RALGAPA2: variants seen among roughly 807,000 people sequenced by gnomAD.
RALGAPA2 encodes Ral GTPase activating protein catalytic subunit alpha 2, also known as ral GTPase-activating protein subunit alpha-2.
In RALGAPA2, 139 loss-of-function variants were observed where a neutral mutation model predicts 230.4. The ratio of observed to expected loss-of-function variants is 0.60; its 90% CI spans 0.53 to 0.69. The LOEUF (loss-of-function observed/expected upper bound fraction) is 0.69, where lower values mean the gene tolerates loss of function less well. RALGAPA2 is among the 30% of genes least tolerant of loss of function. The pLI, the probability that RALGAPA2 is intolerant of heterozygous loss-of-function variation, is 0.00. For synonymous variants in RALGAPA2, 847 were observed against 837.8 expected (o/e 1.01, Z -0.19); for missense variants, 2,163 against 2,276.0 (o/e 0.95, Z 1.01).
chr20:20,632,955 C>CT (rs530963909), intron 9 of RALGAPA2, among the ~76,000 whole-genome samples: 4,446 of 146,814 alleles, frequency 0.03, 85 homozygotes, highest in South Asian at 0.062. Context: ...AAATCTTTCA[C>CT]TTTTTTTTTT....
At chr20:20,565,775 T>C (rs1256995469) in intron 23 of RALGAPA2, among the ~76,000 whole-genome samples, 1 of 152,240 alleles carries the variant, frequency 6.6e-6, no homozygotes, top group Non-Finnish European at 1.5e-5. Flanking sequence ...ATTAAATTAA[T>C]GCTCAAGTGC....
At chr20:20,661,665 T>G (rs1271102778) in intron 3 of RALGAPA2, among the ~76,000 whole-genome samples, 1 of 152,162 alleles carries the variant, frequency 6.6e-6, no homozygotes, top group Non-Finnish European at 1.5e-5. Flanking sequence ...AATACACAGA[T>G]GTGTACTGGT....
intron 37 of RALGAPA2, among the ~76,000 whole-genome samples, chr20:20,425,385 T>G (rs1484695244): frequency 6.6e-6 from 1 of 152,228 alleles, no homozygotes; most frequent in Admixed American, 6.5e-5. Context: ...TCATGGTATT[T>G]ACAAAAGTTT....
intron 1 of RALGAPA2, among the ~76,000 whole-genome samples, chr20:20,697,667 A>G (rs1028967699): frequency 3.3e-5 from 5 of 152,198 alleles, no homozygotes; most frequent in African/African-American, 1.2e-4. Flanking sequence ...GAATGGGTAC[A>G]GGCCCTAGGG....
intron 37 of RALGAPA2, among the ~76,000 whole-genome samples, chr20:20,469,538 G>C (rs527300362): frequency 6.6e-6 from 1 of 152,194 alleles, no homozygotes; most frequent in Non-Finnish European, 1.5e-5. Context: ...TAGTTACAGC[G>C]AGTAGAGATG....
intron 37 of RALGAPA2, among the ~76,000 whole-genome samples, chr20:20,465,744 C>T (rs2061408298): frequency 6.6e-6 from 1 of 152,212 alleles, no homozygotes; most frequent in South Asian, 2.1e-4. Flanking sequence ...TTTCCATGCA[C>T]CAAGAGTGGA....
rs539477593 is a variant in RALGAPA2 at position 20,404,471 on chromosome 20, A to C, written c.5617+7556T>G. Among the ~76,000 whole-genome samples, 80 of 152,262 alleles carry C rather than the reference A, an allele frequency of 5.3e-4. 1 individual carries two copies. Among genetic ancestry groups the C allele is most frequent in the African/African-American group, 1.9e-3 (79 of 41,554 alleles). Reference sequence around the variant, plus strand: ...CTGTTCCTAAACAGGAATTTGAGCAAAACCACTGAGTCTTCTAGGAGGCCC... The same window carrying C: ...CTGTTCCTAAACAGGAATTTGAGCACAACCACTGAGTCTTCTAGGAGGCCC... On this transcript the variant is annotated intron_variant, in intron 38 of 39. Transcript: ENST00000202677.
intron 38 of RALGAPA2, among the ~76,000 whole-genome samples, chr20:20,406,519 T>C (rs921595676): frequency 8.5e-5 from 13 of 152,228 alleles, no homozygotes; most frequent in African/African-American, 3.1e-4. Context: ...GTAGGACATG[T>C]GGCAACACTT....
At chr20:20,709,785 C>T (rs981862620) in intron 1 of RALGAPA2, among the ~76,000 whole-genome samples, 4 of 152,152 alleles carry the variant, frequency 2.6e-5, no homozygotes, top group Non-Finnish European at 5.9e-5. Context: ...TACTCTACTT[C>T]CACAGCTAAT....
chr20:20,584,558 T>G (rs2065077389), intron 19 of RALGAPA2, among the ~76,000 whole-genome samples: 2 of 152,236 alleles, frequency 1.3e-5, no homozygotes, highest in Non-Finnish European at 2.9e-5. Context: ...AGTGGGAAGA[T>G]GGCTTGAGCC....
intron 9 of RALGAPA2, among the ~76,000 whole-genome samples, chr20:20,633,279 C>T (rs1481892801): frequency 4.0e-5 from 6 of 151,878 alleles, no homozygotes; most frequent in African/African-American, 9.7e-5. Flanking sequence ...GGATTACAGA[C>T]GCCTACCACC....
At chr20:20,546,937 G>T in intron 23 of RALGAPA2, 105 bp from the exon 24 acceptor site, 2 of 1,184,638 alleles carry the variant, frequency 1.7e-6, no homozygotes, top group African/African-American at 1.6e-5. Context: ...ATCCAAGAGA[G>T]CACAGATTAC....
chr20:20,478,723 G>C (rs562858510), intron 36 of RALGAPA2, among the ~76,000 whole-genome samples: 3 of 152,048 alleles, frequency 2.0e-5, no homozygotes, highest in Non-Finnish European at 4.4e-5. Context: ...AGGGGAGCAA[G>C]GGTCGAAAAA....
chr20:20,655,822 TA>T (rs1413124407), intron 3 of RALGAPA2, among the ~76,000 whole-genome samples: 1 of 152,048 alleles, frequency 6.6e-6, no homozygotes, highest in Non-Finnish European at 1.5e-5. Context: ...ATGCAGGAGA[TA>T]AAATTGTCAG....
At chr20:20,396,810 T>C in intron 38 of RALGAPA2, 76 bp from the exon 39 acceptor site, 1 of 1,232,326 alleles carries the variant, frequency 8.1e-7, no homozygotes, top group Non-Finnish European at 1.2e-6. Context: ...ACTAACACAG[T>C]GCTAATAATA....
At chr20:20,597,577 G>A (rs961060789) in intron 16 of RALGAPA2, among the ~76,000 whole-genome samples, 4 of 152,000 alleles carry the variant, frequency 2.6e-5, no homozygotes, top group African/African-American at 9.7e-5. Flanking sequence ...TATCTCCAAT[G>A]TTAAAAAAAA....
rs535205238 is a variant in RALGAPA2, at chr20:20,703,071, G to A, written c.106+9304C>T. Among the ~76,000 whole-genome samples, 4 of 152,146 alleles carry A rather than the reference G, an allele frequency of 2.6e-5. No individual in the cohort carries two copies. In the East Asian group the frequency reaches 7.7e-4, roughly 29 times the overall value. On this transcript the variant is annotated intron_variant, in intron 1 of 39. Coordinates refer to ENST00000202677, the MANE Select transcript of RALGAPA2 (RefSeq NM_020343.4). ...GCCTGTGATCCCAGCTACTCAGGTGGCTGAGGCATGAGAATCACTTCAACC... is the reference window on the plus strand; with the variant it reads ...GCCTGTGATCCCAGCTACTCAGGTGACTGAGGCATGAGAATCACTTCAACC...
intron 36 of RALGAPA2, among the ~76,000 whole-genome samples, chr20:20,479,827 C>T (rs1248264145): frequency 1.3e-5 from 2 of 152,176 alleles, no homozygotes; most frequent in African/African-American, 4.8e-5. Context: ...GGAAGAAAAA[C>T]TGTCATTTTT....
At chr20:20,538,641 C>G (rs1479778341) in intron 24 of RALGAPA2, among the ~76,000 whole-genome samples, 1 of 152,186 alleles carries the variant, frequency 6.6e-6, no homozygotes, top group African/African-American at 2.4e-5. Flanking sequence ...TCCCTTTCCC[C>G]CAAAGTATCT....
Sources: gnomAD v4.1 joint callset for allele counts (sites outside exome capture counted in the v4.1 genomes callset) on GRCh38, gnomAD v4.1.1 for gene constraint, MANE v1.5 for transcripts, NCBI Gene and HGNC (gene_info 2026-07-23, HGNC 2026-07-21) for gene names.